PALM2AKAP2: variants seen among roughly 807,000 people sequenced by gnomAD.
PALM2AKAP2 encodes PALM2 and AKAP2 fusion.
Under a neutral mutation model 71.5 loss-of-function variants are expected in PALM2AKAP2, and 37 were observed. The ratio of observed to expected loss-of-function variants is 0.52; its 90% confidence interval spans 0.40 to 0.68. The LOEUF (loss-of-function observed/expected upper bound fraction) is 0.68, where lower values mean the gene tolerates loss of function less well. Among genes scored for constraint, PALM2AKAP2 ranks in the 30% least tolerant of loss-of-function variants. PALM2AKAP2 has a pLI of 0.00. For missense variants in PALM2AKAP2, 1,224 were observed against 1,191.8 expected (o/e 1.03, Z -0.40); for synonymous variants, 468 against 478.8 (o/e 0.98, Z 0.29).
At chr9:109,756,650 T>C (rs576020581) in intron 1 of PALM2AKAP2, among the ~76,000 whole-genome samples, 47 of 152,322 alleles carry the variant, frequency 3.1e-4, no homozygotes, top group African/African-American at 1.1e-3. Context: ...TGAGTGCCAG[T>C]TGTGGGATAT....
rs949315128 is a variant in PALM2AKAP2 at position 109,958,442 on chromosome 9, A to G, written c.496+26414A>G. Among the ~76,000 whole-genome samples the G allele has an allele frequency of 2.6e-5, 4 of 152,154 alleles. No individual in the cohort carries two copies. In the East Asian group the frequency reaches 7.7e-4, roughly 29 times the overall value. Reference sequence around the variant, plus strand: ...GTCTCATTTATGCCTTTATCGTATGACTTAGAGGAAGTCATTTTTCCTCTC... The same window carrying G: ...GTCTCATTTATGCCTTTATCGTATGGCTTAGAGGAAGTCATTTTTCCTCTC... On this transcript the variant is annotated intron_variant, in intron 6 of 9. Transcript: ENST00000302798.
chr9:110,110,542 C>CTTTTTTTTTTTTT (rs559402514), intron 1 of PALM2AKAP2, among the ~76,000 whole-genome samples: 2 of 95,336 alleles, frequency 2.1e-5, no homozygotes, highest in African/African-American at 4.0e-5. Flanking sequence ...TTTCTGAACT[C>CTTTTTTTTTTTTT]TTTTTTTTTT....
intron 1 of PALM2AKAP2, among the ~76,000 whole-genome samples, chr9:109,744,731 G>A (rs965389492): frequency 6.6e-6 from 1 of 152,154 alleles, no homozygotes; most frequent in African/African-American, 2.4e-5. Context: ...CACCCCAGAT[G>A]TTCTCATAGT....
At chr9:109,780,347 C>A, upstream of PALM2AKAP2, 2 of 1,549,240 alleles carry the variant, frequency 1.3e-6, no homozygotes, top group South Asian at 1.2e-5. Context: ...CTGCCCGCCG[C>A]CCCTGGAGCG....
At chr9:109,890,422 C>T (rs1830061307) in intron 3 of PALM2AKAP2, among the ~76,000 whole-genome samples, 1 of 152,178 alleles carries the variant, frequency 6.6e-6, no homozygotes, top group African/African-American at 2.4e-5. Flanking sequence ...CCCTCCAGGA[C>T]AGCGAACGGG....
intron 6 of PALM2AKAP2, among the ~76,000 whole-genome samples, chr9:109,957,451 T>C (rs1788537318): frequency 6.6e-6 from 1 of 152,194 alleles, no homozygotes; most frequent in Admixed American, 6.5e-5. Context: ...AGGGATTTAG[T>C]CAATGCAAGC....
At chr9:109,667,002 C>T (rs1334450254) in intron 1 of PALM2AKAP2, among the ~76,000 whole-genome samples, 1 of 152,168 alleles carries the variant, frequency 6.6e-6, no homozygotes, top group Non-Finnish European at 1.5e-5. Context: ...AAGTGGTGAA[C>T]ATCAGTCTTT....
At chr9:109,718,023 T>G (rs1429876639) in intron 1 of PALM2AKAP2, among the ~76,000 whole-genome samples, 1 of 152,218 alleles carries the variant, frequency 6.6e-6, no homozygotes, top group African/African-American at 2.4e-5. Context: ...TGACTAAAAA[T>G]TCTGAAGATT....
At chr9:109,653,777 T>C (rs1827258327) in intron 1 of PALM2AKAP2, among the ~76,000 whole-genome samples, 1 of 152,176 alleles carries the variant, frequency 6.6e-6, no homozygotes, top group African/African-American at 2.4e-5. Context: ...CAGGGCTTTA[T>C]ATAACACAAG....
intron 1 of PALM2AKAP2, among the ~76,000 whole-genome samples, chr9:109,685,114 G>A (rs1286207026): frequency 6.6e-6 from 1 of 152,106 alleles, no homozygotes; most frequent in Non-Finnish European, 1.5e-5. Flanking sequence ...GTGATAAAAA[G>A]CAGATTAGTG....
At chr9:110,125,639 T>G in intron 1 of PALM2AKAP2, 3 of 972,224 alleles carry the variant, frequency 3.1e-6, no homozygotes, top group Non-Finnish European at 3.7e-6. Context: ...CTTTTCTTTC[T>G]AATTTGAAAG....
chr9:109,680,656 T>A (rs1187755009), intron 1 of PALM2AKAP2, among the ~76,000 whole-genome samples: 1 of 152,222 alleles, frequency 6.6e-6, no homozygotes, highest in Non-Finnish European at 1.5e-5. Flanking sequence ...AAGGCATGTA[T>A]TTTTTATTCA....
At chr9:110,037,206 G>T (rs1381861015) in intron 7 of PALM2AKAP2, among the ~76,000 whole-genome samples, 3 of 148,854 alleles carry the variant, frequency 2.0e-5, no homozygotes, top group South Asian at 2.1e-4. Flanking sequence ...ATTTTTTGTT[G>T]TTTGTTTTTT....
intron 7 of PALM2AKAP2, among the ~76,000 whole-genome samples, chr9:110,040,548 C>CT (rs1248492764): frequency 1.3e-5 from 2 of 152,178 alleles, no homozygotes; most frequent in Non-Finnish European, 2.9e-5. Flanking sequence ...AAGATTTGGT[C>CT]TTTTTCCCCC....
chr9:109,793,662 G>T (rs921877710), intron 1 of PALM2AKAP2, among the ~76,000 whole-genome samples: 2 of 152,224 alleles, frequency 1.3e-5, no homozygotes, highest in African/African-American at 4.8e-5. Context: ...CCACTTTTCG[G>T]TCTAGACCAG....
intron 7 of PALM2AKAP2, among the ~76,000 whole-genome samples, chr9:110,025,523 C>T (rs1833164480): frequency 6.6e-6 from 1 of 151,840 alleles, no homozygotes; most frequent in Admixed American, 6.6e-5. Flanking sequence ...TTTGTGTGGA[C>T]GTAGGTCTTC....
Position 109,950,848 on chromosome 9 carries a change from C to T in PALM2AKAP2, c.496+18820C>T, listed in dbSNP as rs77823805. The stretch of plus-strand genomic sequence containing the variant: ...AAGGTGCTAATGGAGAGCCAGTTTA[C>T]TCTAATCTCTTATTACTAAGGAACC... On this transcript the variant is annotated intron_variant, in intron 6 of 9. Transcript: ENST00000302798. Among the ~76,000 whole-genome samples, 725 of 152,326 alleles carry T rather than the reference C, an allele frequency of 4.8e-3. 3 individuals are homozygous for T. Among genetic ancestry groups the T allele is most frequent in the Non-Finnish European group, 7.3e-3 (499 of 68,022 alleles).
intron 1 of PALM2AKAP2, among the ~76,000 whole-genome samples, chr9:109,801,726 G>A (rs1176552637): frequency 2.6e-5 from 4 of 151,912 alleles, no homozygotes; most frequent in Non-Finnish European, 4.4e-5. Flanking sequence ...GTGTGTGTGT[G>A]TGTTTGTGTG....
intron 1 of PALM2AKAP2, among the ~76,000 whole-genome samples, chr9:109,761,821 C>T (rs1306665242): frequency 6.6e-6 from 1 of 152,090 alleles, no homozygotes; most frequent in Non-Finnish European, 1.5e-5. Flanking sequence ...GTAAATAGTG[C>T]TGCAATAAAC....
Sources: allele counts gnomAD v4.1 joint callset (sites outside exome capture counted in the v4.1 genomes callset), GRCh38; gene constraint gnomAD v4.1.1; transcripts MANE v1.5; gene names NCBI Gene and HGNC (gene_info 2026-07-23, HGNC 2026-07-21).